CSMD1: variants seen among roughly 807,000 people sequenced by gnomAD.
CSMD1 encodes CUB and Sushi multiple domains 1, also known as CUB and sushi domain-containing protein 1.
CSMD1 carries 213 observed loss-of-function variants against 417.5 expected under a neutral mutation model. That is an observed-to-expected ratio of 0.51 (90% CI 0.46 to 0.57). The LOEUF is 0.57. Ranked by LOEUF, CSMD1 falls within the 20% of genes least tolerant of loss-of-function variation. CSMD1 has a pLI of 0.00. For synonymous variants in CSMD1, 2,862 were observed against 1,736.8 expected (o/e 1.65, Z -16.11); for missense variants, 6,923 against 4,529.7 (o/e 1.53, Z -15.17).
At chr8:3,129,534 G>C (rs1272028840) in intron 41 of CSMD1, among the ~76,000 whole-genome samples, 2 of 152,302 alleles carry the variant, frequency 1.3e-5, no homozygotes, top group African/African-American at 2.4e-5. Flanking sequence ...CAGCACTTTG[G>C]GAGGCCGAGG....
chr8:3,761,597 C>G (rs1046660047), intron 5 of CSMD1, among the ~76,000 whole-genome samples: 4 of 150,548 alleles, frequency 2.7e-5, no homozygotes, highest in Non-Finnish European at 5.9e-5. Context: ...CCTCTCCCCA[C>G]CAGGTTCAAG....
chr8:4,733,273 C>A (rs748808204), intron 1 of CSMD1, among the ~76,000 whole-genome samples: 8 of 152,096 alleles, frequency 5.3e-5, no homozygotes, highest in Non-Finnish European at 1.0e-4. Context: ...CAACAATATG[C>A]AGAAGGAAAA....
intron 5 of CSMD1, among the ~76,000 whole-genome samples, chr8:3,769,987 G>A (rs1158536420): frequency 6.6e-6 from 1 of 152,220 alleles, no homozygotes; most frequent in Non-Finnish European, 1.5e-5. Context: ...AATTCATACA[G>A]TGACCTGCCT....
intron 6 of CSMD1, among the ~76,000 whole-genome samples, chr8:3,738,449 G>A (rs1421316263): frequency 6.6e-6 from 1 of 152,330 alleles, no homozygotes; most frequent in South Asian, 2.1e-4. Flanking sequence ...GGGGGAAAAT[G>A]ACTTGAAGCT....
At chr8:3,463,930 T>C (rs969053168) in intron 12 of CSMD1, among the ~76,000 whole-genome samples, 6 of 152,178 alleles carry the variant, frequency 3.9e-5, no homozygotes. Flanking sequence ...CTGAGATGCC[T>C]ACACAAATTT....
At chr8:3,585,259 C>CT (rs1247969937) in intron 9 of CSMD1, among the ~76,000 whole-genome samples, 5 of 152,048 alleles carry the variant, frequency 3.3e-5, no homozygotes, top group Admixed American at 6.6e-5. Flanking sequence ...CTTGTTGTAC[C>CT]TTTTTTAATA....
chr8:2,953,218 A>G (rs1802754816), intron 65 of CSMD1, among the ~76,000 whole-genome samples: 1 of 152,206 alleles, frequency 6.6e-6, no homozygotes, highest in South Asian at 2.1e-4. Flanking sequence ...TTTAGGTAAT[A>G]TTTAAATAAA....
chr8:3,753,794 C>T (rs1186229093), intron 6 of CSMD1, 136 bp downstream of exon 6: 4 of 569,018 alleles, frequency 7.0e-6, no homozygotes, highest in Non-Finnish European at 1.2e-5. Flanking sequence ...ATATGATTTC[C>T]AAAGATAACT....
At chr8:4,665,265 TG>T (rs1375702634) in intron 1 of CSMD1, among the ~76,000 whole-genome samples, 1 of 152,220 alleles carries the variant, frequency 6.6e-6, no homozygotes, top group African/African-American at 2.4e-5. Context: ...CTTCAAAGTT[TG>T]GCTGGTTCTC....
At chr8:3,936,677 T>C (rs1450598969) in intron 5 of CSMD1, among the ~76,000 whole-genome samples, 1 of 152,198 alleles carries the variant, frequency 6.6e-6, no homozygotes, top group African/African-American at 2.4e-5. Context: ...ACAATGTACC[T>C]GGTCACACAA....
chr8:3,566,742 C>A (rs753699357), intron 10 of CSMD1, among the ~76,000 whole-genome samples: 3 of 152,072 alleles, frequency 2.0e-5, no homozygotes, highest in South Asian at 2.1e-4. Context: ...CATCTCACAC[C>A]AGTTGGAATG....
intron 3 of CSMD1, among the ~76,000 whole-genome samples, chr8:4,135,779 T>A (rs1803392614): frequency 6.6e-6 from 1 of 152,146 alleles, no homozygotes; most frequent in Admixed American, 6.5e-5. Flanking sequence ...AACTGATTAA[T>A]GATAGGAATA....
chr8:4,210,664 A>T (rs1800252250), intron 3 of CSMD1, among the ~76,000 whole-genome samples: 1 of 152,218 alleles, frequency 6.6e-6, no homozygotes, highest in African/African-American at 2.4e-5. Context: ...AAAAACACTT[A>T]TCTGAAGAAA....
chr8:4,734,371 G>C (rs1050415656), intron 1 of CSMD1, among the ~76,000 whole-genome samples: 7 of 152,010 alleles, frequency 4.6e-5, no homozygotes, highest in South Asian at 2.1e-4. Flanking sequence ...CTTCCTCTGA[G>C]TGTTCTATGC....
At chr8:4,675,239 G>C (rs1177411980) in intron 1 of CSMD1, among the ~76,000 whole-genome samples, 1 of 152,134 alleles carries the variant, frequency 6.6e-6, no homozygotes, top group Non-Finnish European at 1.5e-5. Flanking sequence ...ACACCATGCA[G>C]TATTTAAAAC....
chr8:4,947,453 G>C (rs924133248), intron 1 of CSMD1, among the ~76,000 whole-genome samples: 7 of 151,972 alleles, frequency 4.6e-5, no homozygotes, highest in African/African-American at 1.7e-4. Context: ...GTCAATATTT[G>C]ACTTGTCATC....
At chr8:4,625,152 G>T (rs777107250) in intron 2 of CSMD1, among the ~76,000 whole-genome samples, 7 of 152,038 alleles carry the variant, frequency 4.6e-5, no homozygotes, top group Non-Finnish European at 1.0e-4. Context: ...GGGAAAATAC[G>T]AGGACGGGAA....
At chr8:3,561,132 G>A (rs1475135068) in intron 10 of CSMD1, among the ~76,000 whole-genome samples, 1 of 152,184 alleles carries the variant, frequency 6.6e-6, no homozygotes, top group Non-Finnish European at 1.5e-5. Context: ...TTATTAAAAT[G>A]TCAAACAATA....
At chr8:4,379,057 A>C (rs528428117) in intron 3 of CSMD1, among the ~76,000 whole-genome samples, 11 of 152,304 alleles carry the variant, frequency 7.2e-5, no homozygotes, top group African/African-American at 1.9e-4. Context: ...AAAAAAAAGG[A>C]ATTTTATAGT....
Sources: gnomAD v4.1 joint callset for allele counts (sites outside exome capture counted in the v4.1 genomes callset) on GRCh38, gnomAD v4.1.1 for gene constraint, MANE v1.5 for transcripts, NCBI Gene and HGNC (gene_info 2026-07-23, HGNC 2026-07-21) for gene names.